The following PRKN variants were observed in gnomAD, a reference collection of about 807,000 sequenced individuals.
PRKN encodes E3 ubiquitin-protein ligase parkin.
PRKN carries 56 observed loss-of-function variants against 59.5 expected under a neutral mutation model. That is an observed-to-expected ratio of 0.94 (90% CI 0.76 to 1.18). The LOEUF (loss-of-function observed/expected upper bound fraction) is 1.18. Ranked by LOEUF, PRKN falls within the 50% of genes most tolerant of loss-of-function variation. The pLI is 0.00. For missense variants in PRKN, 657 were observed against 596.4 expected (o/e 1.10, Z -1.06); for synonymous variants, 250 against 222.1 (o/e 1.13, Z -1.12).
In PRKN at chr6:162,141,794, G is replaced by A. The variant is rs548210566; in HGVS notation, c.534+59337C>T. On this transcript the variant is annotated intron_variant, in intron 4 of 11. Transcript: ENST00000366898. The stretch of plus-strand genomic sequence containing the variant: ...ATGGAGTTAACACACACGAAGAGCA[G>A]GTATAAAGAAATAGCTGCCCATTGT... 5.9e-5 allele frequency among the ~76,000 whole-genome samples: 9 copies of A among 152,290 alleles called. No individual in the cohort carries two copies. The East Asian group carries it at 1.7e-3, about 29-fold the overall frequency.
intron 6 of PRKN, among the ~76,000 whole-genome samples, chr6:161,888,786 C>A (rs1387833619): frequency 6.6e-6 from 1 of 152,114 alleles, no homozygotes; most frequent in Non-Finnish European, 1.5e-5. Flanking sequence ...AATCCATTAA[C>A]CCTCCTAACT....
At chr6:162,259,705 C>T (rs190823946) in intron 3 of PRKN, among the ~76,000 whole-genome samples, 2 of 152,294 alleles carry the variant, frequency 1.3e-5, no homozygotes, top group Admixed American at 6.5e-5. Context: ...ATAAAGCATT[C>T]GCTCTAAAAG....
chr6:161,400,528 G>C lies in PRKN; in HGVS notation c.1084-13651C>G, dbSNP rs1786983233. Among the ~76,000 whole-genome samples the C allele has an allele frequency of 6.6e-6, 1 of 151,914 alleles. No individual in the cohort carries two copies. Among genetic ancestry groups the C allele is most frequent in the Non-Finnish European group, 1.5e-5 (1 of 67,994 alleles). On this transcript the variant is annotated intron_variant, in intron 9 of 11. Transcript: ENST00000366898. The surrounding 1 kb of genome is among the most constrained non-coding windows in gnomAD (Gnocchi z 4.2). The stretch of plus-strand genomic sequence containing the variant: ...TCGCTTTCGCCATATTGGCCAGGCT[G>C]GTCTCAAACCCCTGACCTCAGGTAA...
rs144839921 is a variant in PRKN at position 162,660,779 on chromosome 6, C to T, written c.7+66883G>A. ...ATGGTCTGTTCATTGATCTTAAAAC[C>T]GTCAGCCCCAAAGTAGGGACTTGCC... is the stretch of plus-strand genomic sequence containing the variant. On this transcript the variant is annotated intron_variant, in intron 1 of 11. Coordinates refer to ENST00000366898, the MANE Select transcript of PRKN (RefSeq NM_004562.3). Among the ~76,000 whole-genome samples, 3 of 152,208 alleles carry T rather than the reference C, an allele frequency of 2.0e-5. No individual in the cohort carries two copies. In the East Asian group the frequency reaches 5.8e-4, roughly 29 times the overall value.
Position 161,746,058 on chromosome 6 carries a change from C to T in PRKN, c.871+39714G>A, listed in dbSNP as rs1408389391. Among the ~76,000 whole-genome samples the T allele has an allele frequency of 2.6e-5, 4 of 152,282 alleles. No individual in the cohort carries two copies. The East Asian group carries it at 5.8e-4, about 22-fold the overall frequency. On this transcript the variant is annotated intron_variant, in intron 7 of 11. Transcript: ENST00000366898. ...AATGCTCACATTCGTTAGGAACCTC[C>T]TATGATCCAGGCAGGTTTGTGGGTA... is the stretch of plus-strand genomic sequence containing the variant.
At position 161,533,331 on chromosome 6, in the gene PRKN, C is replaced by T. The variant is rs1779290991; in HGVS notation, c.1083+15523G>A. ...AGGTTTTCTTCTTAATGAAAAGCAG[C>T]CCCCAAATCATTTTCTTTTCCAACA... On this transcript the variant is annotated intron_variant, in intron 9 of 11. Coordinates refer to ENST00000366898, the MANE Select transcript of PRKN (RefSeq NM_004562.3). The surrounding 1 kb of genome is among the most constrained non-coding windows in gnomAD (Gnocchi z 4.1). 6.6e-6 allele frequency among the ~76,000 whole-genome samples: 1 copy of T among 152,092 alleles called. No homozygotes were observed. The highest frequency in any genetic ancestry group is 6.6e-5 in the Admixed American group (1 of 15,256).
chr6:162,556,368 T>TGTGCGCGC (rs1225518749), intron 1 of PRKN, among the ~76,000 whole-genome samples: 5 of 98,054 alleles, frequency 5.1e-5, no homozygotes, highest in South Asian at 4.2e-4. Context: ...TGTGTGTGTG[T>TGTGCGCGC]GTGTGTGTGT....
At chr6:161,791,716 ATACT>A (rs1293378804) in intron 6 of PRKN, among the ~76,000 whole-genome samples, 1 of 152,228 alleles carries the variant, frequency 6.6e-6, no homozygotes, top group East Asian at 1.9e-4. Context: ...AGGGAAACAA[ATACT>A]TACTATACAG....
At chr6:162,035,310 A>T (rs1197946945) in intron 5 of PRKN, among the ~76,000 whole-genome samples, 3 of 152,166 alleles carry the variant, frequency 2.0e-5, no homozygotes, top group Non-Finnish European at 4.4e-5. Flanking sequence ...ATCTCCCACC[A>T]GGCCCCACCT....
At position 161,928,214 on chromosome 6, in the gene PRKN, T is replaced by A. The variant is rs376933550; in HGVS notation, c.734+45088A>T. Among the ~76,000 whole-genome samples, 4 of 152,364 alleles carry A rather than the reference T, an allele frequency of 2.6e-5. No homozygotes were observed. The East Asian group carries it at 7.7e-4, about 29-fold the overall frequency. On this transcript the variant is annotated intron_variant, in intron 6 of 11. Coordinates refer to ENST00000366898, the MANE Select transcript of PRKN (RefSeq NM_004562.3). ...CTTGGACTTCCAGCCTTCAAAACTG[T>A]CAGAAATAAATATCTGTTGTTTATA...
At position 161,552,536 on chromosome 6, in the gene PRKN, C is replaced by T. The variant is rs1348717079; in HGVS notation, c.934-3533G>A. Among the ~76,000 whole-genome samples, 1 of 152,138 alleles carries T rather than the reference C, an allele frequency of 6.6e-6. No individual in the cohort carries two copies. Among genetic ancestry groups the T allele is most frequent in the East Asian group, 1.9e-4 (1 of 5,156 alleles). On this transcript the variant is annotated intron_variant, in intron 8 of 11. Transcript: ENST00000366898. This position sits in a 1 kb window ranked among gnomAD's most constrained non-coding sequence, Gnocchi z 4.9. The stretch of plus-strand genomic sequence containing the variant: ...GCTCTGCATCACCGAACTGCTCAAC[C>T]TACTTTTTTGTCTTGACCTGTCCAA...
chr6:161,994,737 AG>A (rs1781777302), intron 5 of PRKN, among the ~76,000 whole-genome samples: 1 of 152,138 alleles, frequency 6.6e-6, no homozygotes. Context: ...AAATCTACTT[AG>A]GAATAAATTT....
intron 7 of PRKN, among the ~76,000 whole-genome samples, chr6:161,724,663 T>C (rs1787365536): frequency 6.6e-6 from 1 of 152,228 alleles, no homozygotes; most frequent in Admixed American, 6.5e-5. Flanking sequence ...CTTTGTATTT[T>C]ATCATGCAGG....
At chr6:162,682,054 T>G (rs1779792153) in intron 1 of PRKN, among the ~76,000 whole-genome samples, 1 of 152,160 alleles carries the variant, frequency 6.6e-6, no homozygotes, top group South Asian at 2.1e-4. Context: ...TTCATATACA[T>G]ATACATAGCC....
intron 7 of PRKN, among the ~76,000 whole-genome samples, chr6:161,653,283 G>A (rs6932204): frequency 0.55 from 83,967 of 152,022 alleles, 23,864 homozygotes; most frequent in Middle Eastern, 0.63. Context: ...AGAATTGCTT[G>A]AACCCAGGAG....
In PRKN at chr6:162,192,330, A is replaced by T. The variant is rs540844349; in HGVS notation, c.534+8801T>A. On this transcript the variant is annotated intron_variant, in intron 4 of 11. Coordinates refer to ENST00000366898, the MANE Select transcript of PRKN (RefSeq NM_004562.3). ...TGGTGTACCTCATTGCCATAATGATATGCATATGTGAAATTAGAAAAAGCA... is the reference window on the plus strand; with the variant it reads ...TGGTGTACCTCATTGCCATAATGATTTGCATATGTGAAATTAGAAAAAGCA... Among the ~76,000 whole-genome samples the T allele has an allele frequency of 2.0e-5, 3 of 151,906 alleles. No individual in the cohort carries two copies. In the East Asian group the frequency reaches 5.8e-4, roughly 29 times the overall value.
chr6:162,131,748 A>G (rs1250018745), intron 4 of PRKN, among the ~76,000 whole-genome samples: 1 of 152,254 alleles, frequency 6.6e-6, no homozygotes, highest in Non-Finnish European at 1.5e-5. Context: ...TTTCAGATAC[A>G]AAAATGTAAG....
At position 161,371,859 on chromosome 6, in the gene PRKN, G is replaced by A. The variant is rs1018504978; in HGVS notation, c.1168-11654C>T. On this transcript the variant is annotated intron_variant, in intron 10 of 11. Coordinates refer to ENST00000366898, the MANE Select transcript of PRKN (RefSeq NM_004562.3). The surrounding 1 kb of genome is among the most constrained non-coding windows in gnomAD (Gnocchi z 5.5). ...TCATCACTTTGGCCAGGCTGATCTC[G>A]AATTCTTGACCTCAGGTGATCTGCC... 5.9e-5 allele frequency among the ~76,000 whole-genome samples: 9 copies of A among 151,754 alleles called. No individual in the cohort carries two copies. Among genetic ancestry groups the A allele is most frequent in the South Asian group, 2.1e-4 (1 of 4,822 alleles).
At chr6:162,073,002 C>T (rs1406339993) in intron 4 of PRKN, among the ~76,000 whole-genome samples, 2 of 152,160 alleles carry the variant, frequency 1.3e-5, no homozygotes. Flanking sequence ...TGAGTATCAC[C>T]TCATCGATTT....
Sources: gnomAD v4.1 joint callset for allele counts (sites outside exome capture counted in the v4.1 genomes callset) on GRCh38, gnomAD v4.1.1 for gene constraint, Gnocchi (gnomAD v3.1) non-coding constraint, MANE v1.5 for transcripts, NCBI Gene and HGNC (gene_info 2026-07-23, HGNC 2026-07-21) for gene names.